The following CFAP96 variants were observed in gnomAD, a reference collection of about 807,000 sequenced individuals.
CFAP96 encodes cilia and flagella associated protein 96, also known as cilia-and flagella-associated protein 96.
the CFAP96 span, chr4:185,432,151 C>CA: frequency 6.4e-4 from 998 of 1,548,776 alleles, 2 homozygotes; most frequent in South Asian, 3.8e-3. Flanking sequence ...TGGAAGCAGC[C>CA]AAAAAAAATC....
chr4:185,425,803 C>T, the CFAP96 span: 1 of 1,577,654 alleles, frequency 6.3e-7, no homozygotes, highest in Non-Finnish European at 8.6e-7. Flanking sequence ...GTGAAGCCCG[C>T]TCGTGGCGGC....
the CFAP96 span, among the ~76,000 whole-genome samples, chr4:185,421,501 TA>T: frequency 6.6e-6 from 1 of 152,176 alleles, no homozygotes; most frequent in African/African-American, 2.4e-5. Flanking sequence ...GCTGATTCTT[TA>T]AAAGAGCCTG....
At chr4:185,432,861 T>TAAA in the CFAP96 span, among the ~76,000 whole-genome samples, 9 of 145,722 alleles carry the variant, frequency 6.2e-5, no homozygotes, top group South Asian at 2.2e-4. Context: ...AGATCTTGTC[T>TAAA]AAAAAAAAAA....
the CFAP96 span, chr4:185,415,130 C>T: frequency 6.5e-7 from 1 of 1,527,406 alleles, no homozygotes. Context: ...ATTGTTTTTT[C>T]TAAGAATAGA....
the CFAP96 span, among the ~76,000 whole-genome samples, chr4:185,425,469 C>T: frequency 6.6e-6 from 1 of 152,138 alleles, no homozygotes; most frequent in Admixed American, 6.5e-5. Flanking sequence ...ATTGGAGAAC[C>T]TTGCTGAGCA....
chr4:185,429,577 A>G, the CFAP96 span: 1 of 881,840 alleles, frequency 1.1e-6, no homozygotes, highest in Non-Finnish European at 1.7e-6. Flanking sequence ...TTAGAATTTA[A>G]TATTTAAGTC....
At chr4:185,440,474 T>C in the CFAP96 span, 5 of 1,015,992 alleles carry the variant, frequency 4.9e-6, no homozygotes, top group South Asian at 8.3e-5. Context: ...TGTAAAAGAT[T>C]TAACTCTGGG....
At chr4:185,443,137 C>T in the CFAP96 span, among the ~76,000 whole-genome samples, 1 of 151,420 alleles carries the variant, frequency 6.6e-6, no homozygotes, top group Non-Finnish European at 1.5e-5. Context: ...CACAGTGAAG[C>T]GTTCTGAGCT....
At chr4:185,445,276 C>CAGGT in the CFAP96 span, 3 of 757,026 alleles carry the variant, frequency 4.0e-6, no homozygotes, top group East Asian at 8.1e-5. Context: ...CTTCCATGTA[C>CAGGT]AGGTACCTGC....
the CFAP96 span, chr4:185,418,848 A>G: frequency 8.6e-7 from 1 of 1,163,558 alleles, no homozygotes; most frequent in Non-Finnish European, 1.2e-6. Flanking sequence ...ACACAAAAGT[A>G]GAGCATAGTA....
chr4:185,419,194 C>G, the CFAP96 span, among the ~76,000 whole-genome samples: 1 of 151,868 alleles, frequency 6.6e-6, no homozygotes, highest in Non-Finnish European at 1.5e-5. Context: ...TGCAGTGGCG[C>G]GATCTGGGCT....
chr4:185,448,113 C>T, the CFAP96 span, among the ~76,000 whole-genome samples: 2 of 151,086 alleles, frequency 1.3e-5, no homozygotes, highest in Admixed American at 6.6e-5. Flanking sequence ...CTCTGCCTCC[C>T]AGGTTCAAGC....
the CFAP96 span, chr4:185,415,323 T>C: frequency 6.9e-6 from 11 of 1,592,754 alleles, no homozygotes; most frequent in East Asian, 2.5e-4. Context: ...GATTATGAAT[T>C]GCATCAACCA....
At chr4:185,427,502 G>T in the CFAP96 span, among the ~76,000 whole-genome samples, 6 of 152,200 alleles carry the variant, frequency 3.9e-5, no homozygotes, top group African/African-American at 1.4e-4. Context: ...GCTCACGCCT[G>T]AAATCCCAGC....
the CFAP96 span, among the ~76,000 whole-genome samples, chr4:185,438,874 G>A: frequency 6.6e-6 from 1 of 152,152 alleles, no homozygotes; most frequent in Non-Finnish European, 1.5e-5. Flanking sequence ...TTCTTGCACA[G>A]CTGATGGCAA....
the CFAP96 span, among the ~76,000 whole-genome samples, chr4:185,433,396 C>CAAA: frequency 7.2e-5 from 2 of 27,938 alleles, no homozygotes; most frequent in African/African-American, 2.2e-4. Flanking sequence ...GACTCCATCT[C>CAAA]AAAAAAAAAA....
the CFAP96 span, among the ~76,000 whole-genome samples, chr4:185,443,320 G>GTATATATATATATATATA: frequency 7.1e-5 from 4 of 55,990 alleles, no homozygotes; most frequent in African/African-American, 2.5e-4. Context: ...TATTTTTTAT[G>GTATATATATATATATATA]TATATATATA....
At chr4:185,439,838 CAT>C in the CFAP96 span, among the ~76,000 whole-genome samples, 6 of 147,138 alleles carry the variant, frequency 4.1e-5, no homozygotes, top group Non-Finnish European at 7.5e-5. Flanking sequence ...TACATAATCT[CAT>C]ATATACATAT....
the CFAP96 span, among the ~76,000 whole-genome samples, chr4:185,441,543 G>A: frequency 1.3e-5 from 2 of 151,402 alleles, no homozygotes; most frequent in African/African-American, 4.8e-5. Context: ...TTGTTGGTAA[G>A]GTTTATGTCA....
Sources: gnomAD v4.1 joint callset for allele counts (sites outside exome capture counted in the v4.1 genomes callset) on GRCh38, gnomAD v4.1.1 for gene constraint, MANE v1.5 for transcripts, NCBI Gene and HGNC (gene_info 2026-07-23, HGNC 2026-07-21) for gene names.